Variants in WDPCP observed in about 807,000 individuals in gnomAD.
WDPCP encodes WD repeat containing planar cell polarity effector.
WDPCP carries 71 observed loss-of-function variants against 93.1 expected under a neutral mutation model. The ratio of observed to expected loss-of-function variants is 0.76; its 90% CI spans 0.63 to 0.93. The LOEUF (loss-of-function observed/expected upper bound fraction) is 0.93. Ranked by LOEUF, WDPCP falls within the 40% of genes least tolerant of loss-of-function variation. WDPCP has a pLI of 0.00. For synonymous variants in WDPCP, 315 were observed against 315.0 expected, an observed-to-expected ratio of 1.00 and a Z score of 0.00; for missense variants, 844 against 887.4, an observed-to-expected ratio of 0.95 and a Z score of 0.62.
intron 13 of WDPCP, among the ~76,000 whole-genome samples, chr2:63,307,202 A>T (rs1017881875): frequency 3.9e-5 from 6 of 152,210 alleles, no homozygotes; most frequent in Non-Finnish European, 8.8e-5. Flanking sequence ...GACCTCTTCA[A>T]GGAGAACTAC....
At chr2:63,408,308 C>A (rs538647339) in intron 9 of WDPCP, among the ~76,000 whole-genome samples, 55 of 152,114 alleles carry the variant, frequency 3.6e-4, no homozygotes, top group Middle Eastern at 3.2e-3. Flanking sequence ...CCTGAACACA[C>A]CCCCAGAATG....
At chr2:63,721,623 G>A (rs1237897688) in intron 2 of WDPCP, among the ~76,000 whole-genome samples, 6 of 151,466 alleles carry the variant, frequency 4.0e-5, no homozygotes, top group Non-Finnish European at 8.8e-5. Context: ...CCATTTTTTG[G>A]CCTTGCCACT....
At chr2:63,660,618 T>C (rs1484266324) in intron 2 of WDPCP, among the ~76,000 whole-genome samples, 1 of 152,152 alleles carries the variant, frequency 6.6e-6, no homozygotes, top group East Asian at 1.9e-4. Context: ...CCCCCCTGTA[T>C]CTAAAATAAA....
chr2:63,707,116 C>T (rs1182724689), intron 2 of WDPCP, among the ~76,000 whole-genome samples: 2 of 152,080 alleles, frequency 1.3e-5, no homozygotes, highest in Admixed American at 1.3e-4. Context: ...TGGAGTTGCT[C>T]TTCTTGAAGA....
chr2:63,788,173 C>G (rs933638129), intron 2 of WDPCP, among the ~76,000 whole-genome samples: 2 of 152,050 alleles, frequency 1.3e-5, no homozygotes, highest in Non-Finnish European at 2.9e-5. Context: ...CATTTTGTAG[C>G]TAGAATGACT....
chr2:63,283,524 G>C (rs183565310), intron 13 of WDPCP, among the ~76,000 whole-genome samples: 153 of 152,224 alleles, frequency 1.0e-3, no homozygotes, highest in Middle Eastern at 3.4e-3. Context: ...ACATATTGCC[G>C]ATGGCTGTTT....
intron 10 of WDPCP, 183 bp downstream of exon 10, chr2:63,403,865 C>T (rs1275468382): frequency 1.3e-6 from 1 of 750,604 alleles, no homozygotes; most frequent in Non-Finnish European, 2.1e-6. Flanking sequence ...TATTCAATAT[C>T]TAGTGTTCCT....
At chr2:63,810,588 C>T (rs1670849645) in intron 2 of WDPCP, among the ~76,000 whole-genome samples, 1 of 152,074 alleles carries the variant, frequency 6.6e-6, no homozygotes. Flanking sequence ...TAAAAGAATT[C>T]CCTAAAATCT....
intron 14 of WDPCP, among the ~76,000 whole-genome samples, chr2:63,257,173 G>C (rs1681222616): frequency 6.6e-6 from 1 of 152,106 alleles, no homozygotes; most frequent in South Asian, 2.1e-4. Flanking sequence ...ATTTATGTCT[G>C]ATGCTTTTTT....
intron 12 of WDPCP, among the ~76,000 whole-genome samples, chr2:63,350,249 T>C (rs762714311): frequency 6.6e-6 from 1 of 152,016 alleles, no homozygotes; most frequent in African/African-American, 2.4e-5. Context: ...ATGGGAACAC[T>C]TGGACACATG....
At chr2:63,336,877 C>G (rs1688411467) in intron 12 of WDPCP, among the ~76,000 whole-genome samples, 1 of 147,930 alleles carries the variant, frequency 6.8e-6, no homozygotes, top group Non-Finnish European at 1.5e-5. Flanking sequence ...AGTCTACTCT[C>G]TATCTTCATG....
intron 14 of WDPCP, among the ~76,000 whole-genome samples, chr2:63,254,061 T>G (rs900799188): frequency 2.0e-5 from 3 of 152,088 alleles, no homozygotes; most frequent in African/African-American, 7.2e-5. Context: ...TAAAAAAGAC[T>G]GAAATAACAT....
chr2:63,325,715 A>G (rs917808289), intron 12 of WDPCP, among the ~76,000 whole-genome samples: 2 of 152,218 alleles, frequency 1.3e-5, no homozygotes, highest in Admixed American at 1.3e-4. Context: ...AGGGAGGGAT[A>G]TATTAGCCAA....
At chr2:63,391,726 G>A (rs1693267466) in intron 10 of WDPCP, among the ~76,000 whole-genome samples, 1 of 152,102 alleles carries the variant, frequency 6.6e-6, no homozygotes, top group Non-Finnish European at 1.5e-5. Context: ...AAAATCACAA[G>A]CATTCCTATA....
intron 1 of WDPCP, among the ~76,000 whole-genome samples, chr2:63,536,965 G>T (rs1031173405): frequency 1.3e-5 from 2 of 151,778 alleles, no homozygotes; most frequent in Non-Finnish European, 2.9e-5. Flanking sequence ...ATGGGGTTTC[G>T]CCATGTTGGC....
At chr2:63,184,160 CATA>C (rs1287804111) in intron 14 of WDPCP, among the ~76,000 whole-genome samples, 2 of 152,088 alleles carry the variant, frequency 1.3e-5, no homozygotes, top group Non-Finnish European at 2.9e-5. Flanking sequence ...TTGTTTCTAT[CATA>C]ATGTTAATTG....
chr2:63,166,796 C>T (rs1414585524), intron 15 of WDPCP, among the ~76,000 whole-genome samples: 2 of 152,156 alleles, frequency 1.3e-5, no homozygotes, highest in Non-Finnish European at 2.9e-5. Context: ...GTGTTACAAA[C>T]ATTCCAATTA....
At chr2:63,327,795 C>G (rs1376461068) in intron 12 of WDPCP, among the ~76,000 whole-genome samples, 1 of 152,112 alleles carries the variant, frequency 6.6e-6, no homozygotes, top group Non-Finnish European at 1.5e-5. Flanking sequence ...ACCTCCTTGT[C>G]AAATTTGTTT....
intron 12 of WDPCP, among the ~76,000 whole-genome samples, chr2:63,363,481 C>T (rs1246283016): frequency 6.6e-6 from 1 of 151,888 alleles, no homozygotes; most frequent in Non-Finnish European, 1.5e-5. Flanking sequence ...GCCTATAGTC[C>T]CAGCTACTCG....
Sources: allele counts gnomAD v4.1 joint callset (sites outside exome capture counted in the v4.1 genomes callset), GRCh38; gene constraint gnomAD v4.1.1; transcripts MANE v1.5; gene names NCBI Gene and HGNC (gene_info 2026-07-23, HGNC 2026-07-21).